Variants in CNTN5 observed in about 807,000 individuals in gnomAD.
CNTN5 encodes contactin-5.
CNTN5 carries 77 observed loss-of-function variants against 129.1 expected under a neutral mutation model. The ratio of observed to expected loss-of-function variants is 0.60; its 90% CI spans 0.50 to 0.72. The LOEUF (loss-of-function observed/expected upper bound fraction) is 0.72. CNTN5 is among the 30% of genes least tolerant of loss of function. CNTN5 has a pLI of 0.00. For synonymous variants in CNTN5, 509 were observed against 465.6 expected (o/e 1.09, Z -1.20); for missense variants, 1,478 against 1,328.8 (o/e 1.11, Z -1.75).
intron 15 of CNTN5, among the ~76,000 whole-genome samples, chr11:100,213,925 C>T (rs1949085709): frequency 6.6e-6 from 1 of 152,050 alleles, no homozygotes; most frequent in Non-Finnish European, 1.5e-5. Flanking sequence ...TGTTTCTAAG[C>T]ATCAGAAACT....
chr11:99,093,388 C>T lies in CNTN5; in HGVS notation c.-210+72118C>T, dbSNP rs112597070. On this transcript the variant is annotated intron_variant, in intron 1 of 24. Transcript: ENST00000524871. Reference sequence around the variant, plus strand: ...AAGCATAAATCAAATAAGATAGTCTCTGTTGTACGCTGGACAACACAACAG... The same window carrying T: ...AAGCATAAATCAAATAAGATAGTCTTTGTTGTACGCTGGACAACACAACAG... 1.8e-4 allele frequency among the ~76,000 whole-genome samples: 27 copies of T among 151,434 alleles called. 1 individual carries two copies. Among genetic ancestry groups the T allele is most frequent in the African/African-American group, 5.8e-4 (24 of 41,346 alleles).
At chr11:99,774,016 C>T (rs1283170735) in intron 3 of CNTN5, among the ~76,000 whole-genome samples, 4 of 152,012 alleles carry the variant, frequency 2.6e-5, no homozygotes, top group Non-Finnish European at 4.4e-5. Context: ...CTCTCAAAAC[C>T]CCACTCTGAT....
At chr11:100,171,422 A>C (rs1455899589) in intron 13 of CNTN5, among the ~76,000 whole-genome samples, 1 of 152,022 alleles carries the variant, frequency 6.6e-6, no homozygotes, top group Non-Finnish European at 1.5e-5. Flanking sequence ...GAAATAATGA[A>C]GGTTACAATT....
At chr11:99,985,344 A>C (rs1295413420) in intron 8 of CNTN5, among the ~76,000 whole-genome samples, 1 of 152,136 alleles carries the variant, frequency 6.6e-6, no homozygotes, top group Non-Finnish European at 1.5e-5. Flanking sequence ...ACAGGCAGGC[A>C]GTCTCCCCAC....
intron 8 of CNTN5, among the ~76,000 whole-genome samples, chr11:99,962,510 G>T (rs867993702): frequency 1.3e-5 from 2 of 151,866 alleles, no homozygotes; most frequent in African/African-American, 2.4e-5. Flanking sequence ...TGGCTGCATA[G>T]TATTCCATGG....
intron 14 of CNTN5, among the ~76,000 whole-genome samples, chr11:100,191,937 G>A (rs1266950117): frequency 6.6e-6 from 1 of 151,534 alleles, no homozygotes; most frequent in East Asian, 1.9e-4. Flanking sequence ...GTCTTTAATT[G>A]TTTTCACTGT....
At chr11:100,248,336 GGAGTTT>G (rs771240098) in intron 16 of CNTN5, among the ~76,000 whole-genome samples, 8 of 152,044 alleles carry the variant, frequency 5.3e-5, no homozygotes, top group Non-Finnish European at 1.2e-4. Flanking sequence ...CTTGAGGCCA[GGAGTTT>G]GAGACCACAC....
intron 2 of CNTN5, among the ~76,000 whole-genome samples, chr11:99,348,803 C>T (rs1938089283): frequency 6.6e-6 from 1 of 152,122 alleles, no homozygotes. Flanking sequence ...TGGAAGACTC[C>T]TTGGTGTGCA....
intron 6 of CNTN5, among the ~76,000 whole-genome samples, chr11:99,894,473 GAA>G (rs35922423): frequency 2.4e-5 from 2 of 84,668 alleles, no homozygotes; most frequent in East Asian, 3.1e-4. Context: ...AACTACAACT[GAA>G]AAAAAAAAAT....
chr11:99,031,460 T>C (rs1027123443), intron 1 of CNTN5, among the ~76,000 whole-genome samples: 2 of 152,084 alleles, frequency 1.3e-5, no homozygotes, highest in African/African-American at 4.8e-5. Context: ...CAGATAAGAA[T>C]ATTTTCTTTC....
chr11:100,253,538 C>T (rs954663986), intron 16 of CNTN5, among the ~76,000 whole-genome samples: 1 of 151,996 alleles, frequency 6.6e-6, no homozygotes, highest in African/African-American at 2.4e-5. Context: ...TAGTAAGCAC[C>T]TTAATACAGT....
In CNTN5 at chr11:99,818,645, T is replaced by C. The variant is rs1176658565; in HGVS notation, c.56-899T>C. ...TACATATAAAAAATTTCCAATTCCT[T>C]ATTTCTCTTTAGAGTTCATCATAAT... On this transcript the variant is annotated intron_variant, in intron 3 of 24. Coordinates refer to ENST00000524871, the MANE Select transcript of CNTN5 (RefSeq NM_014361.4). 2.0e-5 allele frequency among the ~76,000 whole-genome samples: 3 copies of C among 152,184 alleles called. No individual in the cohort carries two copies. The East Asian group carries it at 5.8e-4, about 29-fold the overall frequency.
chr11:100,283,153 C>T (rs1180082265), intron 18 of CNTN5, among the ~76,000 whole-genome samples: 1 of 152,128 alleles, frequency 6.6e-6, no homozygotes, highest in Non-Finnish European at 1.5e-5. Context: ...ATTAATCCTG[C>T]CAAGACTGGG....
intron 2 of CNTN5, among the ~76,000 whole-genome samples, chr11:99,512,311 T>A (rs530569483): frequency 6.6e-6 from 1 of 152,304 alleles, no homozygotes; most frequent in African/African-American, 2.4e-5. Context: ...TGTGCAGGTC[T>A]GTAGCCTAGG....
chr11:100,073,067 G>A (rs1429815529), intron 12 of CNTN5, among the ~76,000 whole-genome samples: 1 of 122,468 alleles, frequency 8.2e-6, no homozygotes, highest in East Asian at 2.7e-4. Flanking sequence ...TTTTTTCTTT[G>A]AGACAAAATC....
chr11:100,218,965 A>G (rs1456265050), intron 15 of CNTN5, among the ~76,000 whole-genome samples: 1 of 152,246 alleles, frequency 6.6e-6, no homozygotes, highest in Admixed American at 6.5e-5. Flanking sequence ...TTGATCACAA[A>G]GAGGATATAA....
At chr11:100,050,421 A>G (rs1942892741) in intron 9 of CNTN5, among the ~76,000 whole-genome samples, 1 of 152,062 alleles carries the variant, frequency 6.6e-6, no homozygotes, top group African/African-American at 2.4e-5. Context: ...TGGGAATTGA[A>G]CAATGAGAAC....
In CNTN5 at chr11:100,357,671, T is replaced by C. The variant is rs1243042193; in HGVS notation, c.*1451T>C. The C allele has an allele frequency of 1.3e-5, 2 of 151,742 alleles. No homozygotes were observed. The highest frequency in any genetic ancestry group is 3.0e-5 in the Non-Finnish European group (2 of 67,778). 9.4% of individuals were successfully genotyped at this position (151,742 alleles called of 1,614,324 possible). ...AGAGAACAAAAATTGGTTTTATAAT[T>C]TTATATAATTTAAACTTGTTAACTG... On this transcript the variant is annotated 3_prime_UTR_variant, in exon 25 of 25. Coordinates refer to ENST00000524871, the MANE Select transcript of CNTN5 (RefSeq NM_014361.4).
At chr11:99,945,467 A>G (rs563879258) in intron 7 of CNTN5, among the ~76,000 whole-genome samples, 28 of 141,316 alleles carry the variant, frequency 2.0e-4, no homozygotes, top group African/African-American at 7.1e-4. Flanking sequence ...AGGTAAACAT[A>G]GCAAAAAATA....
Sources: gnomAD v4.1 joint callset for allele counts (sites outside exome capture counted in the v4.1 genomes callset) on GRCh38, gnomAD v4.1.1 for gene constraint, MANE v1.5 for transcripts, NCBI Gene and HGNC (gene_info 2026-07-23, HGNC 2026-07-21) for gene names.